Variants in FGD4 observed in about 807,000 individuals in gnomAD.
FGD4 encodes FYVE, RhoGEF and PH domain-containing protein 4.
FGD4 carries 42 observed loss-of-function variants against 102.0 expected under a neutral mutation model. That is an observed-to-expected ratio of 0.41 (90% confidence interval 0.32 to 0.53). The LOEUF (loss-of-function observed/expected upper bound fraction) is 0.53. Ranked by LOEUF, FGD4 falls within the 20% of genes least tolerant of loss-of-function variation. The probability of loss-of-function intolerance (pLI) is 0.21; values close to 1 mark genes in which losing one functional copy is unlikely to be tolerated. For synonymous variants in FGD4, 380 were observed against 375.7 expected (o/e 1.01, Z -0.13); for missense variants, 902 against 1,078.2 (o/e 0.84, Z 2.29).
At chr12:32,494,259 T>C (rs965755458) in intron 1 of FGD4, among the ~76,000 whole-genome samples, 1 of 152,110 alleles carries the variant, frequency 6.6e-6, no homozygotes, top group Non-Finnish European at 1.5e-5. Context: ...CGCTATGTTG[T>C]CCAGGCTAGT....
intron 1 of FGD4, among the ~76,000 whole-genome samples, chr12:32,450,050 AG>A (rs1401229012): frequency 6.6e-6 from 1 of 152,076 alleles, no homozygotes; most frequent in East Asian, 1.9e-4. Context: ...CTTTTGCCTC[AG>A]CCTCCCAAGT....
At chr12:32,546,809 G>C (rs1335107957) in intron 1 of FGD4, among the ~76,000 whole-genome samples, 1 of 152,216 alleles carries the variant, frequency 6.6e-6, no homozygotes, top group Admixed American at 6.5e-5. Context: ...AGAACAAGAG[G>C]AAAAGAAGAA....
intron 1 of FGD4, among the ~76,000 whole-genome samples, chr12:32,563,362 G>A (rs527671422): frequency 2.0e-3 from 302 of 152,034 alleles, no homozygotes; most frequent in African/African-American, 7.1e-3. Flanking sequence ...CATCCCAGAC[G>A]GGGTGGCGGG....
intron 1 of FGD4, among the ~76,000 whole-genome samples, chr12:32,526,055 G>C (rs1013958193): frequency 6.6e-6 from 1 of 152,254 alleles, no homozygotes; most frequent in Non-Finnish European, 1.5e-5. Flanking sequence ...TGAGGAATGC[G>C]AGCGCAGGGG....
chr12:32,479,657 T>C (rs1943669701), intron 1 of FGD4, among the ~76,000 whole-genome samples: 2 of 150,752 alleles, frequency 1.3e-5, no homozygotes, highest in Admixed American at 1.3e-4. Flanking sequence ...TTTTCATACA[T>C]TTCACTTTTT....
chr12:32,600,062 AG>A (rs1300221316), intron 5 of FGD4, among the ~76,000 whole-genome samples: 2 of 152,192 alleles, frequency 1.3e-5, no homozygotes, highest in Non-Finnish European at 2.9e-5. Context: ...CTTGCCTGCT[AG>A]GGTGAGCCAT....
At chr12:32,607,913 A>G in intron 7 of FGD4, 44 bp from the exon 8 acceptor site, 1 of 1,612,190 alleles carries the variant, frequency 6.2e-7, no homozygotes, top group Non-Finnish European at 8.5e-7. Context: ...TAGACTTGCT[A>G]ACCTAATTTT....
chr12:32,436,162 A>C (rs1942222648), intron 1 of FGD4, among the ~76,000 whole-genome samples: 1 of 152,208 alleles, frequency 6.6e-6, no homozygotes, highest in African/African-American at 2.4e-5. Context: ...TAAATAAATT[A>C]TGTGGTTGGA....
At chr12:32,610,712 C>A in intron 8 of FGD4, 64 bp from the exon 9 acceptor site, 1 of 1,438,076 alleles carries the variant, frequency 7.0e-7, no homozygotes. Flanking sequence ...GTAAGTTACT[C>A]AGCTATATAG....
At chr12:32,425,151 C>G (rs796951046) in intron 1 of FGD4, among the ~76,000 whole-genome samples, 21 of 152,302 alleles carry the variant, frequency 1.4e-4, no homozygotes, top group African/African-American at 4.6e-4. Context: ...TTGCCCATGC[C>G]TATGTCCTGA....
At chr12:32,421,890 C>T (rs139660573) in intron 1 of FGD4, among the ~76,000 whole-genome samples, 4,652 of 152,136 alleles carry the variant, frequency 0.031, 91 homozygotes, top group Non-Finnish European at 0.045. Context: ...TCTATAATCC[C>T]AGCACTTTGG....
intron 15 of FGD4, among the ~76,000 whole-genome samples, chr12:32,633,911 G>T (rs1014641497): frequency 6.6e-6 from 1 of 152,162 alleles, no homozygotes; most frequent in Non-Finnish European, 1.5e-5. Context: ...TCAAACTCCT[G>T]ACCTCAGGTG....
intron 1 of FGD4, among the ~76,000 whole-genome samples, chr12:32,526,736 C>A (rs1016673872): frequency 3.9e-5 from 6 of 152,304 alleles, no homozygotes; most frequent in Admixed American, 6.5e-5. Flanking sequence ...AGCTGTAACA[C>A]TCACCGCGAA....
chr12:32,636,801 G>T (rs1212745394), intron 15 of FGD4, among the ~76,000 whole-genome samples: 1 of 151,622 alleles, frequency 6.6e-6, no homozygotes, highest in Non-Finnish European at 1.5e-5. Flanking sequence ...AAACCAGTTA[G>T]TTTCCATAAG....
intron 1 of FGD4, among the ~76,000 whole-genome samples, chr12:32,480,102 G>A (rs970138430): frequency 1.2e-4 from 18 of 149,730 alleles, no homozygotes; most frequent in African/African-American, 3.9e-4. Context: ...TGTAAAGTCT[G>A]TTTTTCAGCA....
In FGD4 at chr12:32,638,754, A is replaced by T; in HGVS notation, c.2413A>T (p.Lys805Ter). 1 of 1,614,200 alleles carries T rather than the reference A, an allele frequency of 6.2e-7. No individual in the cohort carries two copies. The highest frequency in any genetic ancestry group is 8.5e-7 in the Non-Finnish European group (1 of 1,180,026). ...GCAGAAAGCTTGGTGTGTGATCCCC[A>T]AGCAAGACCCTCTTGTGCTGTACAT... ...PWQKAWCVIP[K>*]QDPLVLYMYG... Residue 805 changes from lysine to a stop codon, truncating the protein, a stop_gained, in exon 16 of 17, where the codon AAG becomes TAG. Coordinates refer to ENST00000534526, the MANE Select transcript of FGD4 (RefSeq NM_001370298.3). LOFTEE classifies it high-confidence loss of function.
intron 5 of FGD4, among the ~76,000 whole-genome samples, chr12:32,601,036 C>T (rs570798288): frequency 3.9e-5 from 6 of 152,250 alleles, no homozygotes; most frequent in African/African-American, 1.4e-4. Flanking sequence ...GTGAATTATT[C>T]GCCATAATAT....
intron 1 of FGD4, among the ~76,000 whole-genome samples, chr12:32,475,124 G>T (rs992668292): frequency 6.6e-6 from 1 of 152,106 alleles, no homozygotes; most frequent in Non-Finnish European, 1.5e-5. Context: ...CACTACCTGG[G>T]TGCCTCTCTT....
intron 1 of FGD4, among the ~76,000 whole-genome samples, chr12:32,547,134 T>C (rs1184988075): frequency 6.6e-6 from 1 of 152,124 alleles, no homozygotes; most frequent in African/African-American, 2.4e-5. Flanking sequence ...CACATGTAGA[T>C]ATGACATTCA....
Sources: allele counts gnomAD v4.1 joint callset (sites outside exome capture counted in the v4.1 genomes callset), GRCh38; gene constraint gnomAD v4.1.1; transcripts MANE v1.5; gene names NCBI Gene and HGNC (gene_info 2026-07-23, HGNC 2026-07-21).